Variants in NR3C2 observed in about 807,000 individuals in gnomAD.
The protein encoded by NR3C2 is nuclear receptor subfamily 3 group C member 2.
In NR3C2, 15 loss-of-function variants were observed where a neutral mutation model predicts 86.4. The observed-to-expected ratio is 0.17, with a 90% CI of 0.12 to 0.27. The LOEUF (loss-of-function observed/expected upper bound fraction) is 0.27. Ranked by LOEUF, NR3C2 falls within the 10% of genes least tolerant of loss-of-function variation. NR3C2 has a pLI of 1.00. For missense variants in NR3C2, 960 were observed against 1,195.6 expected (o/e 0.80, Z 2.91); for synonymous variants, 458 against 450.5 (o/e 1.02, Z -0.21).
chr4:148,224,674 C>T (rs4835508), intron 3 of NR3C2, among the ~76,000 whole-genome samples: 56,411 of 152,016 alleles, frequency 0.37, 11,658 homozygotes, highest in East Asian at 0.48. Context: ...TGGAACAATA[C>T]GGGTTAGAAT....
At position 148,155,004 on chromosome 4, in the gene NR3C2, G is replaced by T. The variant is rs1578948885; in HGVS notation, c.2015-103C>A. ...TTTTCCTCTAAATAGATCTTGTTAT[G>T]TCAATAGGAACATGACCGTTTATTC... On this transcript the variant is annotated intron_variant, in intron 4 of 8. Transcript: ENST00000358102. 3.3e-6 allele frequency: 3 copies of T among 915,166 alleles called. No homozygotes were observed. In the African/African-American group the frequency reaches 4.9e-5, roughly 15 times the overall value. 56.7% of individuals were successfully genotyped at this position (915,166 alleles called of 1,614,324 possible).
chr4:148,398,256 C>T lies in NR3C2; in HGVS notation c.1757+36848G>A, dbSNP rs138350702. On this transcript the variant is annotated intron_variant, in intron 2 of 8. Coordinates refer to ENST00000358102, the MANE Select transcript of NR3C2 (RefSeq NM_000901.5). ...CGTGATCATATCTTTTTAGGAGATG[C>T]TACTTAACCCACTACAGGTGTTGCT... 1.1e-3 allele frequency among the ~76,000 whole-genome samples: 175 copies of T among 152,320 alleles called. 1 individual carries two copies. Among genetic ancestry groups the T allele is most frequent in the African/African-American group, 3.8e-3 (156 of 41,582 alleles).
chr4:148,203,888 G>A (rs996999354), intron 3 of NR3C2, among the ~76,000 whole-genome samples: 1 of 152,172 alleles, frequency 6.6e-6, no homozygotes, highest in Non-Finnish European at 1.5e-5. Context: ...AAAAAGAACT[G>A]ACTTGAGAAG....
chr4:148,321,706 C>A (rs1743604360), intron 2 of NR3C2, among the ~76,000 whole-genome samples: 1 of 152,030 alleles, frequency 6.6e-6, no homozygotes, highest in Admixed American at 6.6e-5. Flanking sequence ...GCAACCCCTG[C>A]CTTTTTTTGT....
chr4:148,159,563 A>G (rs1159587813), intron 4 of NR3C2, among the ~76,000 whole-genome samples: 1 of 152,222 alleles, frequency 6.6e-6, no homozygotes, highest in Non-Finnish European at 1.5e-5. Context: ...TGAAACACAG[A>G]AAGAATAACT....
intron 8 of NR3C2, among the ~76,000 whole-genome samples, chr4:148,097,365 CACTGATTTA>C (rs1272630904): frequency 6.6e-6 from 1 of 152,186 alleles, no homozygotes; most frequent in Non-Finnish European, 1.5e-5. Flanking sequence ...GTCACCTGAA[CACTGATTTA>C]ACGAATACTG....
intron 2 of NR3C2, among the ~76,000 whole-genome samples, chr4:148,362,417 A>G (rs892726844): frequency 2.0e-5 from 3 of 152,222 alleles, no homozygotes; most frequent in South Asian, 4.1e-4. Context: ...GTCACTATGT[A>G]CCTCATGAAT....
At chr4:148,355,680 A>G (rs1745518683) in intron 2 of NR3C2, among the ~76,000 whole-genome samples, 1 of 152,204 alleles carries the variant, frequency 6.6e-6, no homozygotes, top group Admixed American at 6.5e-5. Flanking sequence ...TATCATTAGC[A>G]AACAACAAAT....
intron 2 of NR3C2, among the ~76,000 whole-genome samples, chr4:148,430,456 G>A (rs1453836434): frequency 6.6e-6 from 1 of 151,746 alleles, no homozygotes; most frequent in Non-Finnish European, 1.5e-5. Flanking sequence ...AGAAATATAA[G>A]CGAATGAAAA....
intron 2 of NR3C2, among the ~76,000 whole-genome samples, chr4:148,370,514 G>T (rs961595511): frequency 5.3e-5 from 8 of 151,934 alleles, no homozygotes; most frequent in Non-Finnish European, 1.2e-4. Flanking sequence ...TTCAAATACT[G>T]TATGTGCGTG....
chr4:148,307,621 T>C (rs1742696075), intron 2 of NR3C2, among the ~76,000 whole-genome samples: 1 of 152,170 alleles, frequency 6.6e-6, no homozygotes, highest in Non-Finnish European at 1.5e-5. Flanking sequence ...ATTTCATATT[T>C]ATATTTGTTT....
At chr4:148,128,085 C>A (rs969482560) in intron 6 of NR3C2, among the ~76,000 whole-genome samples, 2 of 152,084 alleles carry the variant, frequency 1.3e-5, no homozygotes, top group Admixed American at 1.3e-4. Flanking sequence ...TTAGAAAAAG[C>A]CCATTAAAAT....
At chr4:148,315,553 ACT>A (rs1184980140) in intron 2 of NR3C2, among the ~76,000 whole-genome samples, 21 of 152,256 alleles carry the variant, frequency 1.4e-4, no homozygotes, top group African/African-American at 4.6e-4. Context: ...CATTCATGTA[ACT>A]CTGCAAATTA....
At chr4:148,315,909 T>G (rs1006766619) in intron 2 of NR3C2, among the ~76,000 whole-genome samples, 1 of 152,224 alleles carries the variant, frequency 6.6e-6, no homozygotes, top group Non-Finnish European at 1.5e-5. Flanking sequence ...TTGTGATATA[T>G]ACTTCCAAAA....
chr4:148,363,706 T>C (rs1311161823), intron 2 of NR3C2, among the ~76,000 whole-genome samples: 4 of 152,064 alleles, frequency 2.6e-5, no homozygotes, highest in Admixed American at 2.0e-4. Flanking sequence ...GGTTTAACTG[T>C]GTTAGCCAGG....
chr4:148,262,207 A>G (rs559706081), intron 2 of NR3C2, among the ~76,000 whole-genome samples: 3 of 152,282 alleles, frequency 2.0e-5, no homozygotes, highest in Non-Finnish European at 4.4e-5. Flanking sequence ...TATAAGCATA[A>G]GCGGGATTTT....
At chr4:148,129,478 A>G (rs1732915418) in intron 6 of NR3C2, among the ~76,000 whole-genome samples, 1 of 152,236 alleles carries the variant, frequency 6.6e-6, no homozygotes, top group Non-Finnish European at 1.5e-5. Context: ...TGTACACGTA[A>G]AAAGGGTTAG....
rs146870511 is a variant in NR3C2 at position 148,230,990 on chromosome 4, G to A, written c.1897+28988C>T. Among the ~76,000 whole-genome samples, 471 of 152,276 alleles carry A rather than the reference G, an allele frequency of 3.1e-3. 2 individuals are homozygous for A. The highest frequency in any genetic ancestry group is 5.2e-3 in the Admixed American group (80 of 15,304). On this transcript the variant is annotated intron_variant, in intron 3 of 8. Coordinates refer to ENST00000358102, the MANE Select transcript of NR3C2 (RefSeq NM_000901.5). Reference sequence around the variant, plus strand: ...AAATGAATTCTAAGATGTGTGTGGTGGTCACATGGCCTAACAGAGAAGACT... The same window carrying A: ...AAATGAATTCTAAGATGTGTGTGGTAGTCACATGGCCTAACAGAGAAGACT...
intron 2 of NR3C2, among the ~76,000 whole-genome samples, chr4:148,434,298 G>A (rs1749932986): frequency 6.6e-6 from 1 of 152,084 alleles, no homozygotes; most frequent in African/African-American, 2.4e-5. Context: ...ACCCTTTATA[G>A]TCATATCTAA....
Sources: gnomAD v4.1 joint callset for allele counts (sites outside exome capture counted in the v4.1 genomes callset) on GRCh38, gnomAD v4.1.1 for gene constraint, MANE v1.5 for transcripts, NCBI Gene and HGNC (gene_info 2026-07-23, HGNC 2026-07-21) for gene names.